The following MYSM1 variants were observed in gnomAD, a reference collection of about 807,000 sequenced individuals.
MYSM1 encodes deubiquitinase MYSM1.
In MYSM1, 51 loss-of-function variants were observed where a neutral mutation model predicts 116.0. The observed-to-expected ratio is 0.44, with a 90% CI of 0.35 to 0.56. MYSM1 has a LOEUF of 0.56. Among genes scored for constraint, MYSM1 ranks in the 20% least tolerant of loss-of-function variants. MYSM1 has a pLI of 0.00. For missense variants in MYSM1, 900 were observed against 974.9 expected, an observed-to-expected ratio of 0.92 and a Z score of 1.02; for synonymous variants, 313 against 315.2, an observed-to-expected ratio of 0.99 and a Z score of 0.07.
chr1:58,665,928 G>A (rs111846398), intron 16 of MYSM1, among the ~76,000 whole-genome samples: 4 of 152,042 alleles, frequency 2.6e-5, no homozygotes, highest in Admixed American at 6.6e-5. Flanking sequence ...GTAGTGGCAC[G>A]TGCCTGTAAC....
Position 58,659,940 on chromosome 1 carries a change from T to C in MYSM1, c.*57A>G. 1 of 1,180,188 alleles carries C rather than the reference T, an allele frequency of 8.5e-7. No homozygotes were observed. The allele number at this position is 1,180,188 out of a possible 1,614,324, so 73.1% of individuals were successfully genotyped here. A position where few individuals can be genotyped will look rare whatever the true frequency, so the allele number is the denominator to read the frequency against. ...GTTAACTACAATCACTTCAAGTTTA[T>C]AACTTTGAAAGTAAGATCTACTGTG... On this transcript the variant is annotated 3_prime_UTR_variant, in exon 20 of 20. Transcript: ENST00000472487.
At chr1:58,686,946 A>G (rs1463696048) in intron 6 of MYSM1, among the ~76,000 whole-genome samples, 1 of 149,762 alleles carries the variant, frequency 6.7e-6, no homozygotes, top group African/African-American at 2.5e-5. Flanking sequence ...CCTGGGCAGC[A>G]TAACGAGACC....
chr1:58,693,387 TAGGCCATAATACCCAAC>T (rs1193787200), intron 2 of MYSM1, among the ~76,000 whole-genome samples: 1 of 152,216 alleles, frequency 6.6e-6, no homozygotes, highest in Non-Finnish European at 1.5e-5. Context: ...CTTCAAGCTC[TAGGCCATAATACCCAAC>T]AGCCCATCCG....
chr1:58,670,547 T>C (rs1557510023), intron 12 of MYSM1, among the ~76,000 whole-genome samples: 1 of 152,226 alleles, frequency 6.6e-6, no homozygotes, highest in African/African-American at 2.4e-5. Flanking sequence ...AAAGTCATGA[T>C]AAGTAGACCT....
intron 1 of MYSM1, 135 bp downstream of exon 1, chr1:58,699,850 G>A (rs1168973175): frequency 1.4e-5 from 20 of 1,447,506 alleles, no homozygotes; most frequent in Non-Finnish European, 1.6e-5. Flanking sequence ...GTGCCTCCCA[G>A]GCCAACAAGA....
rs549795162 is a variant in MYSM1, at chr1:58,675,565, T to G, written c.1406A>C (p.Asn469Thr). The G allele has an allele frequency of 3.1e-6, 5 of 1,613,174 alleles. No homozygotes were observed. The highest frequency in any genetic ancestry group is 4.5e-5 in the East Asian group (2 of 44,868). Reference protein sequence around the residue: ...INFGCEQAVYNRPQTVDKVRI... With the variant: ...INFGCEQAVYTRPQTVDKVRI... The stretch of plus-strand genomic sequence containing the variant: ...TACTTTGTCAACTGTTTGTGGCCTA[T>G]TATACACAGCCTGTTCTATTGGAAT... Residue 469 changes from asparagine to threonine, a missense_variant, in exon 10 of 20, where the codon AAT becomes ACT. Coordinates refer to ENST00000472487, the MANE Select transcript of MYSM1 (RefSeq NM_001085487.3).
chr1:58,693,263 C>T (rs1352853953), intron 2 of MYSM1, among the ~76,000 whole-genome samples: 1 of 152,204 alleles, frequency 6.6e-6, no homozygotes, highest in Non-Finnish European at 1.5e-5. Flanking sequence ...CTCTGTCAGA[C>T]ACTTAACCTC....
chr1:58,682,659 G>A, intron 7 of MYSM1, 114 bp from the exon 8 acceptor site: 1 of 957,350 alleles, frequency 1.0e-6, no homozygotes, highest in Non-Finnish European at 1.5e-6. Context: ...CATGTAAATG[G>A]TACATTATAC....
At chr1:58,687,813 G>A (rs1405450583) in intron 6 of MYSM1, among the ~76,000 whole-genome samples, 3 of 151,728 alleles carry the variant, frequency 2.0e-5, no homozygotes, top group Admixed American at 6.6e-5. Context: ...CTCTTCTGCC[G>A]ATACCTATAA....
chr1:58,683,245 T>A (rs1644775436), intron 7 of MYSM1, among the ~76,000 whole-genome samples: 1 of 152,222 alleles, frequency 6.6e-6, no homozygotes, highest in South Asian at 2.1e-4. Context: ...ACTATCATAC[T>A]AAGGTATCGT....
intron 1 of MYSM1, among the ~76,000 whole-genome samples, chr1:58,696,080 A>T (rs2100685254): frequency 6.6e-6 from 1 of 152,328 alleles, no homozygotes. Flanking sequence ...GGGGCTAATG[A>T]ACTATTCTCT....
At chr1:58,663,373 C>G (rs1182559028) in intron 17 of MYSM1, among the ~76,000 whole-genome samples, 2 of 152,102 alleles carry the variant, frequency 1.3e-5, no homozygotes, top group African/African-American at 4.8e-5. Flanking sequence ...CAGAAGAAAA[C>G]TGATCACTAA....
chr1:58,697,893 CAA>C (rs1050774550), intron 1 of MYSM1, among the ~76,000 whole-genome samples: 1 of 150,066 alleles, frequency 6.7e-6, no homozygotes, highest in Non-Finnish European at 1.5e-5. Flanking sequence ...CCAGCCAACC[CAA>C]AAGTTTCAAT....
rs369033692 is a variant in MYSM1, at chr1:58,679,836, T to A, written c.1259+1949A>T. On this transcript the variant is annotated intron_variant, in intron 8 of 19. Transcript: ENST00000472487. Reference sequence around the variant, plus strand: ...TGAGGTCAGGAGTTCTAGACCAGCCTGGCCAATGTGGTGAAACCCAGTCTC... The same window carrying A: ...TGAGGTCAGGAGTTCTAGACCAGCCAGGCCAATGTGGTGAAACCCAGTCTC... Among the ~76,000 whole-genome samples, 5 of 151,768 alleles carry A rather than the reference T, an allele frequency of 3.3e-5. No homozygotes were observed. In the East Asian group the frequency reaches 7.8e-4, roughly 24 times the overall value.
intron 7 of MYSM1, among the ~76,000 whole-genome samples, chr1:58,683,246 A>G (rs1171431286): frequency 1.3e-5 from 2 of 152,232 alleles, no homozygotes; most frequent in Non-Finnish European, 2.9e-5. Context: ...CTATCATACT[A>G]AGGTATCGTA....
intron 1 of MYSM1, among the ~76,000 whole-genome samples, chr1:58,698,584 A>G (rs1421714551): frequency 6.6e-6 from 1 of 152,166 alleles, no homozygotes; most frequent in Non-Finnish European, 1.5e-5. Flanking sequence ...AGATAAATCT[A>G]TGGAAGAAGC....
chr1:58,682,555 A>T lies in MYSM1; in HGVS notation c.499-10T>A. ...CCAGACCGCATTTGACCTTATTAAAAATCAAAATAAAATCCCCATAATATT... is the reference window on the plus strand; with the variant it reads ...CCAGACCGCATTTGACCTTATTAAATATCAAAATAAAATCCCCATAATATT... On this transcript the variant is annotated splice_polypyrimidine_tract_variant and intron_variant, in intron 7 of 19. Coordinates refer to ENST00000472487, the MANE Select transcript of MYSM1 (RefSeq NM_001085487.3). 1 of 1,554,374 alleles carries T rather than the reference A, an allele frequency of 6.4e-7. No homozygotes were observed. The highest frequency in any genetic ancestry group is 2.3e-5 in the East Asian group (1 of 44,344).
chr1:58,685,840 C>G (rs913950293), intron 6 of MYSM1, among the ~76,000 whole-genome samples: 1 of 152,172 alleles, frequency 6.6e-6, no homozygotes, highest in South Asian at 2.1e-4. Flanking sequence ...TCTAACTACC[C>G]GTTTCATTAC....
rs192395417 is a variant in MYSM1, at chr1:58,657,960, A to C, written c.*2037T>G. The C allele has an allele frequency of 2.0e-5, 3 of 152,330 alleles. 1 individual carries two copies. In the East Asian group the frequency reaches 5.8e-4, roughly 29 times the overall value. 9.4% of individuals were successfully genotyped at this position (152,330 alleles called of 1,614,324 possible). On this transcript the variant is annotated 3_prime_UTR_variant, in exon 20 of 20. Transcript: ENST00000472487. ...TCATCAGTATTATAGGGAAATGTCA[A>C]TCAAGAAAGCTAGTATAAAACACTT...
Sources: gnomAD v4.1 joint callset for allele counts (sites outside exome capture counted in the v4.1 genomes callset) on GRCh38, gnomAD v4.1.1 for gene constraint, MANE v1.5 for transcripts, NCBI Gene and HGNC (gene_info 2026-07-23, HGNC 2026-07-21) for gene names.